RNF220: variants seen among roughly 807,000 people sequenced by gnomAD.
The protein encoded by RNF220 is ring finger protein 220.
Under a neutral mutation model 67.1 loss-of-function variants are expected in RNF220, and 7 were observed. The ratio of observed to expected loss-of-function variants is 0.10; its 90% confidence interval spans 0.06 to 0.20. RNF220 has a LOEUF of 0.20. RNF220 is among the 10% of genes least tolerant of loss of function. The pLI is 1.00. For synonymous variants in RNF220, 270 were observed against 283.2 expected (o/e 0.95, Z 0.47); for missense variants, 565 against 740.3 (o/e 0.76, Z 2.75).
In RNF220 at chr1:44,600,120, A is replaced by G. The variant is rs149829976; in HGVS notation, c.626-14045A>G. On this transcript the variant is annotated intron_variant, in intron 2 of 14. Coordinates refer to ENST00000361799, the MANE Select transcript of RNF220 (RefSeq NM_018150.4). The surrounding 1 kb of genome is among the most constrained non-coding windows in gnomAD (Gnocchi z 4.0). ...TAAAGAGTAAAAATTAAGATTGTCA[A>G]TTTAGGGAGGTCTCTGGATAGTGGT... Among the ~76,000 whole-genome samples the G allele has an allele frequency of 6.6e-5, 10 of 152,180 alleles. No homozygotes were observed. Among genetic ancestry groups the G allele is most frequent in the Admixed American group, 2.0e-4 (3 of 15,276 alleles).
chr1:44,446,230 T>C (rs1455801564), intron 2 of RNF220, among the ~76,000 whole-genome samples: 1 of 152,176 alleles, frequency 6.6e-6, no homozygotes, highest in African/African-American at 2.4e-5. Flanking sequence ...AAAGTAAAAT[T>C]TTATAAGAAC....
At position 44,650,133 on chromosome 1, in the gene RNF220, C is replaced by A; in HGVS notation, c.1629+176C>A. On this transcript the variant is annotated intron_variant, in intron 14 of 14. Coordinates refer to ENST00000361799, the MANE Select transcript of RNF220 (RefSeq NM_018150.4). The surrounding 1 kb of genome is among the most constrained non-coding windows in gnomAD (Gnocchi z 4.3). ...ACCCCCAGGCTCGCTGCCTCTCCTC[C>A]CCAACTGCAGGTTTAGGAACTTCTC... is the stretch of plus-strand genomic sequence containing the variant. The A allele has an allele frequency of 1.5e-6, 1 of 658,028 alleles. No homozygotes were observed. 40.8% of individuals were successfully genotyped at this position (658,028 alleles called of 1,614,324 possible).
chr1:44,587,616 A>T (rs1665805576), intron 2 of RNF220, among the ~76,000 whole-genome samples: 1 of 152,118 alleles, frequency 6.6e-6, no homozygotes, highest in Non-Finnish European at 1.5e-5. Context: ...AGGCTGCTGT[A>T]GTCTAGCTCT....
chr1:44,462,756 C>T (rs1001355883), intron 2 of RNF220, among the ~76,000 whole-genome samples: 1 of 152,158 alleles, frequency 6.6e-6, no homozygotes, highest in Admixed American at 6.5e-5. Flanking sequence ...AGGCCGGGCA[C>T]GGTGGCTCAC....
At chr1:44,470,184 G>A (rs1654678576) in intron 2 of RNF220, among the ~76,000 whole-genome samples, 1 of 152,196 alleles carries the variant, frequency 6.6e-6, no homozygotes, top group Non-Finnish European at 1.5e-5. Flanking sequence ...ATGTTAGGAA[G>A]TAAAATTGTT....
intron 2 of RNF220, among the ~76,000 whole-genome samples, chr1:44,528,614 CT>C (rs71036683): frequency 0.67 from 87,759 of 131,622 alleles, 29,047 homozygotes; most frequent in Non-Finnish European, 0.71. Flanking sequence ...AAATTGGCAA[CT>C]TTTTTTTTTT....
chr1:44,635,346 C>G (rs572465878), intron 6 of RNF220, 199 bp from the exon 7 acceptor site: 1 of 676,324 alleles, frequency 1.5e-6, no homozygotes, highest in African/African-American at 1.8e-5. Flanking sequence ...TAGTTAGCAC[C>G]AGTCTCCTCC....
intron 2 of RNF220, among the ~76,000 whole-genome samples, chr1:44,487,622 G>C (rs12136081): frequency 0.045 from 6,724 of 149,192 alleles, 161 homozygotes; most frequent in Non-Finnish European, 0.061. Context: ...CACTTGAGGT[G>C]AGGAGTTTGA....
chr1:44,450,354 C>T (rs77967953), intron 2 of RNF220, among the ~76,000 whole-genome samples: 4,485 of 151,914 alleles, frequency 0.03, 228 homozygotes, highest in African/African-American at 0.1. Flanking sequence ...AACATAAATT[C>T]ATGCCCATTG....
At chr1:44,416,864 G>T (rs1243717489) in intron 2 of RNF220, among the ~76,000 whole-genome samples, 1 of 152,216 alleles carries the variant, frequency 6.6e-6, no homozygotes, top group Non-Finnish European at 1.5e-5. Context: ...GGTCCCAAAA[G>T]CCCTGAGTAG....
intron 2 of RNF220, among the ~76,000 whole-genome samples, chr1:44,605,071 G>A (rs556696272): frequency 1.3e-5 from 2 of 152,256 alleles, no homozygotes; most frequent in South Asian, 2.1e-4. Context: ...GGAGGCTGAG[G>A]TGGTGGATCA....
intron 2 of RNF220, among the ~76,000 whole-genome samples, chr1:44,458,680 C>T (rs1201961097): frequency 6.6e-6 from 1 of 152,172 alleles, no homozygotes; most frequent in African/African-American, 2.4e-5. Flanking sequence ...AACAACAGTT[C>T]TCTTTCTTTT....
In RNF220 at chr1:44,423,711, G is replaced by A. The variant is rs1450266986; in HGVS notation, c.625+10989G>A. ...TCTATCCTTTGCCCTACCCGGAAAC[G>A]TGACAGGTCTCAGGGCCTAGAGTAC... On this transcript the variant is annotated intron_variant, in intron 2 of 14. Coordinates refer to ENST00000361799, the MANE Select transcript of RNF220 (RefSeq NM_018150.4). The A allele has an allele frequency of 2.5e-5, 8 of 315,462 alleles. No individual in the cohort carries two copies. The South Asian group carries it at 6.2e-4, about 25-fold the overall frequency. The allele number at this position is 315,462 out of a possible 1,614,324, so 19.5% of individuals were successfully genotyped here.
chr1:44,617,342 C>G (rs1643600007), intron 3 of RNF220, among the ~76,000 whole-genome samples: 1 of 152,220 alleles, frequency 6.6e-6, no homozygotes, highest in South Asian at 2.1e-4. Context: ...CCCCTCCCCT[C>G]GCTTCTCTCG....
intron 2 of RNF220, among the ~76,000 whole-genome samples, chr1:44,577,286 C>T (rs1357362528): frequency 3.9e-5 from 6 of 152,168 alleles, no homozygotes; most frequent in African/African-American, 1.4e-4. Flanking sequence ...CAGCCCCAAA[C>T]TGCAGTGCAC....
Position 44,456,882 on chromosome 1 carries a change from A to G in RNF220, c.625+44160A>G, listed in dbSNP as rs1653239414. On this transcript the variant is annotated intron_variant, in intron 2 of 14. Coordinates refer to ENST00000361799, the MANE Select transcript of RNF220 (RefSeq NM_018150.4). Reference sequence around the variant, plus strand: ...GTAGGACATCCTGCAATCCCATCACACTGGACTTCTTTCAGTTTCTCCATC... The same window carrying G: ...GTAGGACATCCTGCAATCCCATCACGCTGGACTTCTTTCAGTTTCTCCATC... 1.3e-5 allele frequency among the ~76,000 whole-genome samples: 2 copies of G among 151,754 alleles called. 1 individual carries two copies. Among genetic ancestry groups the G allele is most frequent in the South Asian group, 4.1e-4 (2 of 4,820 alleles).
intron 2 of RNF220, among the ~76,000 whole-genome samples, chr1:44,595,870 C>T (rs949565885): frequency 6.6e-6 from 1 of 152,018 alleles, no homozygotes; most frequent in Non-Finnish European, 1.5e-5. Flanking sequence ...TTCACGCCAT[C>T]CTCCCACCTC....
In RNF220 at chr1:44,645,893, C is replaced by T. The variant is rs191983546; in HGVS notation, c.1445+405C>T. On this transcript the variant is annotated intron_variant, in intron 12 of 14. Transcript: ENST00000361799. The surrounding 1 kb of genome is among the most constrained non-coding windows in gnomAD (Gnocchi z 5.0). ...GGTGGCACTCGCAGTGGATTTTAGGCAGGAACATTGGGTATCATCACTTCT... is the reference window on the plus strand; with the variant it reads ...GGTGGCACTCGCAGTGGATTTTAGGTAGGAACATTGGGTATCATCACTTCT... 3.3e-5 allele frequency among the ~76,000 whole-genome samples: 5 copies of T among 152,340 alleles called. No individual in the cohort carries two copies. Among genetic ancestry groups the T allele is most frequent in the South Asian group, 2.1e-4 (1 of 4,830 alleles).
chr1:44,450,018 C>A (rs1460698118), intron 2 of RNF220, among the ~76,000 whole-genome samples: 2 of 152,126 alleles, frequency 1.3e-5, no homozygotes, highest in Non-Finnish European at 2.9e-5. Context: ...TCGAGACCAG[C>A]CTGACCAACA....
Sources: gnomAD v4.1 joint callset for allele counts (sites outside exome capture counted in the v4.1 genomes callset) on GRCh38, gnomAD v4.1.1 for gene constraint, Gnocchi (gnomAD v3.1) non-coding constraint, MANE v1.5 for transcripts, NCBI Gene and HGNC (gene_info 2026-07-23, HGNC 2026-07-21) for gene names.